DPYD: variants seen among roughly 807,000 people sequenced by gnomAD.
The protein encoded by DPYD is dihydropyrimidine dehydrogenase.
Under a neutral mutation model 116.2 loss-of-function variants are expected in DPYD, and 109 were observed. The observed-to-expected ratio is 0.94, with a 90% CI of 0.80 to 1.10. The LOEUF is 1.10. DPYD is among the 50% of genes least tolerant of loss of function. DPYD has a pLI of 0.00. For synonymous variants in DPYD, 440 were observed against 432.0 expected, an observed-to-expected ratio of 1.02 and a Z score of -0.23; for missense variants, 1,302 against 1,254.5, an observed-to-expected ratio of 1.04 and a Z score of -0.57.
At chr1:97,207,339 C>A (rs922944778) in intron 19 of DPYD, among the ~76,000 whole-genome samples, 2 of 152,144 alleles carry the variant, frequency 1.3e-5, no homozygotes, top group African/African-American at 4.8e-5. Context: ...AATATCTTTG[C>A]ATTATTACTT....
At chr1:97,291,693 G>C (rs1017549776) in intron 18 of DPYD, among the ~76,000 whole-genome samples, 1 of 151,746 alleles carries the variant, frequency 6.6e-6, no homozygotes, top group East Asian at 1.9e-4. Context: ...GTTGTGGGGT[G>C]GGGGGAGTGG....
chr1:97,312,181 A>G (rs1667559696), intron 16 of DPYD, among the ~76,000 whole-genome samples: 1 of 151,854 alleles, frequency 6.6e-6, no homozygotes, highest in African/African-American at 2.4e-5. Flanking sequence ...ATGAAAAGAC[A>G]TCGAATCTCG....
At chr1:97,873,287 A>C (rs1447712805) in intron 2 of DPYD, among the ~76,000 whole-genome samples, 1 of 151,996 alleles carries the variant, frequency 6.6e-6, no homozygotes, top group Admixed American at 6.6e-5. Context: ...TTTCAAAGTG[A>C]AATAATTTAT....
intron 18 of DPYD, among the ~76,000 whole-genome samples, chr1:97,297,887 T>G (rs1666627219): frequency 6.6e-6 from 1 of 152,214 alleles, no homozygotes; most frequent in Non-Finnish European, 1.5e-5. Flanking sequence ...GGACTAGTGA[T>G]ATCCATAAAT....
At chr1:97,874,786 T>G (rs1343125418) in intron 2 of DPYD, among the ~76,000 whole-genome samples, 2 of 151,912 alleles carry the variant, frequency 1.3e-5, no homozygotes, top group African/African-American at 2.4e-5. Flanking sequence ...AACATTTGCT[T>G]CGGTCAAAAT....
chr1:97,247,698 A>G (rs557544445), intron 18 of DPYD, among the ~76,000 whole-genome samples: 1 of 152,218 alleles, frequency 6.6e-6, no homozygotes, highest in Non-Finnish European at 1.5e-5. Flanking sequence ...CTAAAAATAT[A>G]AAAGGATAAT....
chr1:97,819,649 C>T (rs1245101127), intron 3 of DPYD, among the ~76,000 whole-genome samples: 1 of 151,484 alleles, frequency 6.6e-6, no homozygotes, highest in African/African-American at 2.4e-5. Flanking sequence ...TTGATTTTTC[C>T]CTCATAGCTT....
At chr1:97,188,098 A>T (rs969094785) in intron 20 of DPYD, among the ~76,000 whole-genome samples, 1 of 152,134 alleles carries the variant, frequency 6.6e-6, no homozygotes, top group Non-Finnish European at 1.5e-5. Flanking sequence ...TTTTATCAAT[A>T]ACTGAGAATG....
chr1:97,466,850 A>G (rs1349035439), intron 13 of DPYD, among the ~76,000 whole-genome samples: 5 of 152,126 alleles, frequency 3.3e-5, no homozygotes, highest in African/African-American at 1.2e-4. Flanking sequence ...AGTTTTTCAT[A>G]TATTACCCAT....
At chr1:97,918,466 GTCC>G (rs1674337006) in intron 1 of DPYD, among the ~76,000 whole-genome samples, 1 of 152,128 alleles carries the variant, frequency 6.6e-6, no homozygotes, top group Non-Finnish European at 1.5e-5. Flanking sequence ...AATGAGCTAG[GTCC>G]TATTACCAAG....
chr1:97,877,098 G>T (rs764799435), intron 2 of DPYD, among the ~76,000 whole-genome samples: 1 of 152,034 alleles, frequency 6.6e-6, no homozygotes, highest in Non-Finnish European at 1.5e-5. Context: ...GAAGCCCTGG[G>T]AGAGTAGATT....
intron 16 of DPYD, among the ~76,000 whole-genome samples, chr1:97,309,349 G>GTGTGTA (rs1553252340): frequency 4.0e-5 from 6 of 151,528 alleles, no homozygotes; most frequent in Non-Finnish European, 5.9e-5. Context: ...GTGTGTGTGT[G>GTGTGTA]TGTGTGTGTG....
intron 10 of DPYD, among the ~76,000 whole-genome samples, chr1:97,585,246 A>G (rs187515705): frequency 1.3e-5 from 2 of 152,294 alleles, no homozygotes; most frequent in African/African-American, 2.4e-5. Context: ...GTATAAAGTA[A>G]TAAGTACCCT....
chr1:97,324,312 G>T (rs556864746), intron 16 of DPYD, among the ~76,000 whole-genome samples: 198 of 152,122 alleles, frequency 1.3e-3, no homozygotes, highest in African/African-American at 4.6e-3. Context: ...CCACTATCCA[G>T]TGTGGAGTGA....
At chr1:97,886,616 C>T (rs895031105) in intron 1 of DPYD, among the ~76,000 whole-genome samples, 3 of 152,050 alleles carry the variant, frequency 2.0e-5, no homozygotes, top group Non-Finnish European at 4.4e-5. Context: ...ATCCTCAGCT[C>T]TGGAGCAGTG....
At chr1:97,568,151 T>TA (rs890844036) in intron 11 of DPYD, among the ~76,000 whole-genome samples, 2 of 152,140 alleles carry the variant, frequency 1.3e-5, no homozygotes, top group African/African-American at 4.8e-5. Context: ...AATTTCTCAT[T>TA]AAAAAAATCA....
rs1242897901 is a variant in DPYD at position 97,450,233 on chromosome 1, G to C, written c.1741-10C>G. On this transcript the variant is annotated splice_polypyrimidine_tract_variant and intron_variant, in intron 13 of 22. Transcript: ENST00000370192. ...CATTTGTCACAATGTCCTGATGAAA[G>C]AGTAAAGATATTGAGTCTCCTTTTG... is the stretch of plus-strand genomic sequence containing the variant. 5 of 1,613,082 alleles carry C rather than the reference G, an allele frequency of 3.1e-6. No individual in the cohort carries two copies. The highest frequency in any genetic ancestry group is 4.2e-6 in the Non-Finnish European group (5 of 1,179,426).
intron 16 of DPYD, among the ~76,000 whole-genome samples, chr1:97,334,332 C>G (rs982271176): frequency 6.6e-6 from 1 of 152,084 alleles, no homozygotes; most frequent in Non-Finnish European, 1.5e-5. Context: ...AAACTTAAGA[C>G]TTAAGATGCT....
chr1:97,470,851 G>A lies in DPYD; in HGVS notation c.1741-20628C>T, dbSNP rs150708493. ...CATCAAGTACAAAAATTAGCAGGGCGTGGTGGTGGGAACCTGTAATCCCAG... is the reference window on the plus strand; with the variant it reads ...CATCAAGTACAAAAATTAGCAGGGCATGGTGGTGGGAACCTGTAATCCCAG... On this transcript the variant is annotated intron_variant, in intron 13 of 22. Coordinates refer to ENST00000370192, the MANE Select transcript of DPYD (RefSeq NM_000110.4). Among the ~76,000 whole-genome samples, 16 of 152,204 alleles carry A rather than the reference G, an allele frequency of 1.1e-4. No individual in the cohort carries two copies. The East Asian group carries it at 2.5e-3, about 24-fold the overall frequency.
Sources: allele counts gnomAD v4.1 joint callset (sites outside exome capture counted in the v4.1 genomes callset), GRCh38; gene constraint gnomAD v4.1.1; transcripts MANE v1.5; gene names NCBI Gene and HGNC (gene_info 2026-07-23, HGNC 2026-07-21).